Variants in TENM3 observed in about 807,000 individuals in gnomAD.
The protein encoded by TENM3 is teneurin-3.
A neutral mutation model predicts 255.1 loss-of-function variants in TENM3; 63 were observed. The observed-to-expected ratio is 0.25, with a 90% confidence interval of 0.20 to 0.30. TENM3 has a LOEUF of 0.30. Among genes scored for constraint, TENM3 ranks in the 10% least tolerant of loss-of-function variants. The pLI is 1.00. For synonymous variants in TENM3, 1,306 were observed against 1,322.3 expected, an observed-to-expected ratio of 0.99 and a Z score of 0.27; for missense variants, 2,929 against 3,461.1, an observed-to-expected ratio of 0.85 and a Z score of 3.86.
the TENM3 span, among the ~76,000 whole-genome samples, chr4:182,025,339 C>CT: frequency 6.6e-6 from 1 of 152,106 alleles, no homozygotes; most frequent in Admixed American, 6.5e-5. Flanking sequence ...GGATTTCATT[C>CT]TTTTTATGGT....
At chr4:182,091,390 G>A in the TENM3 span, among the ~76,000 whole-genome samples, 2 of 152,204 alleles carry the variant, frequency 1.3e-5, no homozygotes, top group African/African-American at 2.4e-5. Flanking sequence ...AAATATCAGC[G>A]ATCACTGGAA....
chr4:181,774,028 T>A, the TENM3 span, among the ~76,000 whole-genome samples: 9 of 86,892 alleles, frequency 1.0e-4, no homozygotes, highest in Non-Finnish European at 1.8e-4. Flanking sequence ...TTTTTTTTTT[T>A]ATTATACTCT....
chr4:181,857,551 C>CAAAAAAAAAAAAAAAAAAAAA, the TENM3 span, among the ~76,000 whole-genome samples: 1 of 104,804 alleles, frequency 9.5e-6, no homozygotes, highest in Non-Finnish European at 1.8e-5. Context: ...CCTGTCTCTA[C>CAAAAAAAAAAAAAAAAAAAAA]AAAAAAAAAA....
the TENM3 span, among the ~76,000 whole-genome samples, chr4:181,567,325 A>T: frequency 6.6e-6 from 1 of 152,208 alleles, no homozygotes; most frequent in African/African-American, 2.4e-5. Flanking sequence ...TTTTCCAAAA[A>T]TATTTGCATA....
chr4:182,383,593 A>C (rs544614946), intron 3 of TENM3, among the ~76,000 whole-genome samples: 1 of 152,188 alleles, frequency 6.6e-6, no homozygotes, highest in Non-Finnish European at 1.5e-5. Context: ...TATAATACCC[A>C]ATAGATAGTT....
the TENM3 span, among the ~76,000 whole-genome samples, chr4:181,712,369 TG>T: frequency 6.6e-6 from 1 of 152,158 alleles, no homozygotes; most frequent in Non-Finnish European, 1.5e-5. Flanking sequence ...TCACAAGATT[TG>T]GTTAAGTTTG....
the TENM3 span, among the ~76,000 whole-genome samples, chr4:181,685,060 G>T: frequency 6.6e-6 from 1 of 151,252 alleles, no homozygotes; most frequent in African/African-American, 2.4e-5. Context: ...CACTGCACCT[G>T]GCCAATGCTT....
chr4:182,226,819 A>G (rs1371077649), intron 1 of TENM3, among the ~76,000 whole-genome samples: 1 of 152,208 alleles, frequency 6.6e-6, no homozygotes, highest in African/African-American at 2.4e-5. Context: ...GACTTGCTCC[A>G]AGTCAGTGGG....
At chr4:181,527,143 C>T in the TENM3 span, among the ~76,000 whole-genome samples, 1 of 152,184 alleles carries the variant, frequency 6.6e-6, no homozygotes, top group Non-Finnish European at 1.5e-5. Context: ...CAGTTCCAAT[C>T]TACAAACTGT....
the TENM3 span, among the ~76,000 whole-genome samples, chr4:181,897,397 T>C: frequency 2.0e-5 from 3 of 152,198 alleles, no homozygotes; most frequent in African/African-American, 7.2e-5. Context: ...AGCTCCTCCA[T>C]CATTCTTGGC....
chr4:181,539,727 T>C, the TENM3 span, among the ~76,000 whole-genome samples: 1 of 152,214 alleles, frequency 6.6e-6, no homozygotes, highest in Non-Finnish European at 1.5e-5. Context: ...TTAACTCTTA[T>C]GTCACTAATT....
intron 5 of TENM3, among the ~76,000 whole-genome samples, chr4:182,644,523 A>G (rs529197411): frequency 4.7e-4 from 72 of 152,272 alleles, no homozygotes; most frequent in Admixed American, 1.7e-3. Context: ...TGAAATAACT[A>G]TAATACCATG....
At chr4:182,622,851 T>C (rs774678380) in intron 4 of TENM3, among the ~76,000 whole-genome samples, 2 of 152,190 alleles carry the variant, frequency 1.3e-5, no homozygotes, top group African/African-American at 4.8e-5. Context: ...CAGAGGTGAA[T>C]AGGACTTCAT....
chr4:182,459,409 G>C (rs1370638891), intron 3 of TENM3, among the ~76,000 whole-genome samples: 1 of 152,036 alleles, frequency 6.6e-6, no homozygotes, highest in African/African-American at 2.4e-5. Flanking sequence ...ATGATTAAGG[G>C]CTGAACCAGA....
the TENM3 span, among the ~76,000 whole-genome samples, chr4:181,508,553 T>C: frequency 1.3e-5 from 2 of 152,356 alleles, no homozygotes; most frequent in South Asian, 4.1e-4. Flanking sequence ...TCGGTGTTTG[T>C]AATGCTATTA....
At chr4:181,503,837 G>A in the TENM3 span, among the ~76,000 whole-genome samples, 3 of 152,176 alleles carry the variant, frequency 2.0e-5, no homozygotes, top group Non-Finnish European at 4.4e-5. Context: ...TCTGACCACA[G>A]TAGCTGCATT....
chr4:181,745,495 A>T, the TENM3 span, among the ~76,000 whole-genome samples: 5 of 152,224 alleles, frequency 3.3e-5, no homozygotes, highest in African/African-American at 7.2e-5. Flanking sequence ...GATAAGGGAA[A>T]GTGGATGATG....
chr4:182,326,915 A>G (rs1344529214), intron 2 of TENM3, among the ~76,000 whole-genome samples: 3 of 152,198 alleles, frequency 2.0e-5, no homozygotes, highest in Non-Finnish European at 4.4e-5. Context: ...AGGCATATTT[A>G]GGAAATAAAA....
intron 3 of TENM3, among the ~76,000 whole-genome samples, chr4:182,497,059 CT>C (rs112562945): frequency 2.6e-3 from 373 of 144,500 alleles, no homozygotes; most frequent in Middle Eastern, 3.6e-3. Context: ...CCACTTACAG[CT>C]TTTTTTTTTT....
Sources: gnomAD v4.1 joint callset for allele counts (sites outside exome capture counted in the v4.1 genomes callset) on GRCh38, gnomAD v4.1.1 for gene constraint, MANE v1.5 for transcripts, NCBI Gene and HGNC (gene_info 2026-07-23, HGNC 2026-07-21) for gene names.